Variants in SEPTIN10 observed in about 807,000 individuals in gnomAD.
SEPTIN10 encodes the protein septin 10, also known as septin-10.
Under a neutral mutation model 54.8 loss-of-function variants are expected in SEPTIN10, and 66 were observed. The ratio of observed to expected loss-of-function variants is 1.21; its 90% confidence interval spans 0.99 to 1.48. SEPTIN10 has a LOEUF of 1.48. SEPTIN10 is among the 40% of genes most tolerant of loss of function. The pLI, the probability that SEPTIN10 is intolerant of heterozygous loss-of-function variation, is 0.00. For missense variants in SEPTIN10, 620 were observed against 545.6 expected (o/e 1.14, Z -1.36); for synonymous variants, 161 against 181.0 (o/e 0.89, Z 0.89).
chr2:109,582,323 T>C (rs1691389804), intron 4 of SEPTIN10, among the ~76,000 whole-genome samples: 1 of 152,084 alleles, frequency 6.6e-6, no homozygotes, highest in Non-Finnish European at 1.5e-5. Context: ...ATTGCTGTTT[T>C]TTTGTTTTGT....
At chr2:109,564,591 CTAAG>C (rs1305698942) in intron 7 of SEPTIN10, 57 bp from the exon 8 acceptor site, 10 of 1,386,510 alleles carry the variant, frequency 7.2e-6, no homozygotes, top group African/African-American at 2.9e-5. Flanking sequence ...TGGCACACAA[CTAAG>C]TGTTTGCTGA....
At chr2:109,599,887 C>G (rs1696237655) in intron 1 of SEPTIN10, among the ~76,000 whole-genome samples, 1 of 152,178 alleles carries the variant, frequency 6.6e-6, no homozygotes, top group Non-Finnish European at 1.5e-5. Flanking sequence ...TTCAGTAACA[C>G]TGCAATGAAT....
intron 3 of SEPTIN10, 141 bp from the exon 4 acceptor site, chr2:109,585,462 TC>T: frequency 1.4e-6 from 1 of 717,794 alleles, no homozygotes; most frequent in Non-Finnish European, 2.3e-6. Flanking sequence ...CTACGGCTGG[TC>T]CCCCAAGTCA....
At chr2:109,544,460 A>T (rs945377448) in intron 10 of SEPTIN10, 136 bp from the exon 11 acceptor site, 34 of 1,386,910 alleles carry the variant, frequency 2.5e-5, no homozygotes, top group Non-Finnish European at 3.1e-5. Flanking sequence ...CAAAAACACC[A>T]AACCATATTT....
Position 109,585,249 on chromosome 2 carries a change from G to T in SEPTIN10, c.290C>A (p.Ser97Ter). The change falls in exon 4 of 11, where the codon TCA (serine) becomes TAA (stop). Residue 97 changes from serine (S) to a stop codon, truncating the protein, a stop_gained. Transcript: ENST00000397712. LOFTEE classifies it high-confidence loss of function. Reference protein sequence around the residue: ...FNTNFEDYESSHFCPNVKLKA... With the variant: ...FNTNFEDYES ...AAGTTTAACATTTGGGCAAAAATGT[G>T]AGGATTCATAGTCTTCAAAATTAGT... 6.2e-7 allele frequency: 1 copy of T among 1,613,144 alleles called. No individual in the cohort carries two copies. Among genetic ancestry groups the T allele is most frequent in the South Asian group, 1.1e-5 (1 of 90,896 alleles).
intron 9 of SEPTIN10, among the ~76,000 whole-genome samples, chr2:109,550,395 C>T (rs910537907): frequency 6.6e-6 from 1 of 151,752 alleles, no homozygotes; most frequent in African/African-American, 2.4e-5. Context: ...TCACTGCAAC[C>T]TCTGCCTCTT....
chr2:109,583,532 T>C (rs573144464), intron 4 of SEPTIN10, among the ~76,000 whole-genome samples: 6 of 152,350 alleles, frequency 3.9e-5, no homozygotes, highest in African/African-American at 1.4e-4. Flanking sequence ...GCTTGTACCC[T>C]GCTGGTGGGA....
At chr2:109,544,623 T>A in intron 10 of SEPTIN10, 1 of 942,886 alleles carries the variant, frequency 1.1e-6, no homozygotes, top group Non-Finnish European at 1.3e-6. Flanking sequence ...ATGGGAAATC[T>A]AATTTTAGTA....
intron 5 of SEPTIN10, among the ~76,000 whole-genome samples, chr2:109,571,210 C>G (rs1688299157): frequency 6.6e-6 from 1 of 152,230 alleles, no homozygotes; most frequent in African/African-American, 2.4e-5. Context: ...GCCTAAGGAA[C>G]TGTAAGTCAA....
At chr2:109,552,843 G>T (rs1017515940) in intron 9 of SEPTIN10, 2 of 413,654 alleles carry the variant, frequency 4.8e-6, no homozygotes, top group African/African-American at 2.1e-5. Flanking sequence ...CCAGTTCATT[G>T]TAAGAATTTC....
chr2:109,603,335 C>G (rs1451859467), intron 1 of SEPTIN10, among the ~76,000 whole-genome samples: 3 of 151,858 alleles, frequency 2.0e-5, no homozygotes, highest in African/African-American at 7.3e-5. Context: ...CCTGGGTTCA[C>G]GCCATTCTCC....
intron 4 of SEPTIN10, among the ~76,000 whole-genome samples, chr2:109,576,365 C>T (rs900033510): frequency 6.6e-5 from 10 of 152,006 alleles, no homozygotes; most frequent in African/African-American, 2.4e-4. Context: ...TCCCAAAGCG[C>T]TGGGATGACA....
chr2:109,586,471 T>C (rs1050175949), intron 2 of SEPTIN10, among the ~76,000 whole-genome samples: 15 of 152,200 alleles, frequency 9.9e-5, no homozygotes, highest in Non-Finnish European at 2.1e-4. Context: ...AGGGAAGTTA[T>C]AGTCTTAATG....
intron 1 of SEPTIN10, among the ~76,000 whole-genome samples, chr2:109,606,672 C>CTTTTTTTTTT (rs34414105): frequency 2.4e-4 from 17 of 71,908 alleles, no homozygotes; most frequent in African/African-American, 6.0e-4. Context: ...AAATTTTAAG[C>CTTTTTTTTTT]TTTTTTTTTT....
chr2:109,548,870 T>C (rs1396329850), intron 9 of SEPTIN10, among the ~76,000 whole-genome samples: 2 of 147,798 alleles, frequency 1.4e-5, no homozygotes, highest in African/African-American at 2.5e-5. Context: ...AGAGCTAAAC[T>C]CTGGTCTAAT....
intron 9 of SEPTIN10, among the ~76,000 whole-genome samples, chr2:109,550,474 T>C (rs1278085423): frequency 2.6e-5 from 4 of 151,650 alleles, no homozygotes; most frequent in Admixed American, 6.6e-5. Context: ...CCACCATGCC[T>C]GGCTAATTTT....
At chr2:109,559,406 C>G (rs766740333) in intron 8 of SEPTIN10, among the ~76,000 whole-genome samples, 4 of 152,162 alleles carry the variant, frequency 2.6e-5, no homozygotes, top group Non-Finnish European at 5.9e-5. Context: ...TGTAGCCTGA[C>G]CTAAACTTAC....
rs375470771 is a variant in SEPTIN10, at chr2:109,584,383, G to A, written c.413+743C>T. On this transcript the variant is annotated intron_variant, in intron 4 of 10. Coordinates refer to ENST00000397712, the MANE Select transcript of SEPTIN10 (RefSeq NM_144710.5). ...CTAGCTACTCGGGAGGCTGAGGCAG[G>A]ATAACCGCTTGAACTGGGGAGGTGG... 2.0e-4 allele frequency among the ~76,000 whole-genome samples: 29 copies of A among 143,532 alleles called. No homozygotes were observed. In the East Asian group the frequency reaches 4.6e-3, roughly 23 times the overall value. The allele number at this position is 143,532 out of a possible 152,430, so 94.2% of individuals were successfully genotyped here. A position where few individuals can be genotyped will look rare whatever the true frequency, so the allele number is the denominator to read the frequency against.
chr2:109,580,259 A>G (rs1276249921), intron 4 of SEPTIN10, among the ~76,000 whole-genome samples: 3 of 151,970 alleles, frequency 2.0e-5, no homozygotes, highest in African/African-American at 4.8e-5. Context: ...ATCTAAAATT[A>G]TAAGGTTAAT....
Sources: gnomAD v4.1 joint callset for allele counts (sites outside exome capture counted in the v4.1 genomes callset) on GRCh38, gnomAD v4.1.1 for gene constraint, MANE v1.5 for transcripts, NCBI Gene and HGNC (gene_info 2026-07-23, HGNC 2026-07-21) for gene names.